SMPDL3B: variants seen among roughly 807,000 people sequenced by gnomAD.
SMPDL3B encodes the protein acid sphingomyelinase-like phosphodiesterase 3b.
Under a neutral mutation model 37.9 loss-of-function variants are expected in SMPDL3B, and 31 were observed. The ratio of observed to expected loss-of-function variants is 0.82; its 90% CI spans 0.61 to 1.10. The LOEUF is 1.10. SMPDL3B is among the 50% of genes least tolerant of loss of function. The probability of loss-of-function intolerance (pLI) is 0.00; values close to 1 mark genes in which losing one functional copy is unlikely to be tolerated. For synonymous variants in SMPDL3B, 235 were observed against 242.6 expected (o/e 0.97, Z 0.29); for missense variants, 525 against 597.8 (o/e 0.88, Z 1.27).
intron 1 of SMPDL3B, chr1:27,941,594 A>G (rs1196912178): frequency 6.6e-6 from 1 of 152,552 alleles, no homozygotes; most frequent in East Asian, 1.9e-4. Context: ...CACATGTGAT[A>G]GTGCTCTGAG....
At chr1:27,956,504 T>C (rs1219267632) in intron 7 of SMPDL3B, 6 of 1,109,794 alleles carry the variant, frequency 5.4e-6, no homozygotes, top group Non-Finnish European at 5.5e-6. Flanking sequence ...ACAGTCTGAC[T>C]TCAAGCCCAT....
chr1:27,955,719 T>A lies in SMPDL3B; in HGVS notation c.726T>A (p.Phe242Leu), dbSNP rs754356193. ...TCGGCCACGTGCCCCCGGGGTTCTT[T>A]GAGAAGACGCAAAACAAGGCATGGT... is the stretch of plus-strand genomic sequence containing the variant. ...YIVGHVPPGF[F>L]EKTQNKAWFR... is the part of the protein sequence containing the mutation. Residue 242 changes from phenylalanine to leucine, a missense_variant, in exon 6 of 8, where the codon TTT (phenylalanine) becomes TTA (leucine). Transcript: ENST00000373894. 5.6e-6 allele frequency: 9 copies of A among 1,613,966 alleles called. No individual in the cohort carries two copies. In the African/African-American group the frequency reaches 1.2e-4, roughly 22 times the overall value.
chr1:27,937,976 T>C (rs2090323582), intron 1 of SMPDL3B, among the ~76,000 whole-genome samples: 1 of 152,166 alleles, frequency 6.6e-6, no homozygotes, highest in African/African-American at 2.4e-5. Flanking sequence ...AACCCAATGA[T>C]TTAAAAGTTA....
chr1:27,953,966 G>A (rs895126872), intron 4 of SMPDL3B, among the ~76,000 whole-genome samples: 3 of 152,148 alleles, frequency 2.0e-5, no homozygotes, highest in African/African-American at 7.2e-5. Context: ...GGTTAAAGCC[G>A]ACCAGAAGCC....
rs1404531046 is a variant in SMPDL3B, at chr1:27,935,181, A to C, written c.-3A>C. 2.5e-6 allele frequency: 4 copies of C among 1,613,310 alleles called. No homozygotes were observed. The highest frequency in any genetic ancestry group is 2.5e-6 in the Non-Finnish European group (3 of 1,179,234). On this transcript the variant is annotated 5_prime_UTR_variant, in exon 1 of 8. Transcript: ENST00000373894. ...CACGGCTCTGGGGAAGTGAGCCCCG[A>C]GGATGAGGCTGCTCGCCTGGCTGAT...
chr1:27,953,103 C>G, intron 3 of SMPDL3B, 112 bp from the exon 4 acceptor site: 1 of 749,410 alleles, frequency 1.3e-6, no homozygotes, highest in South Asian at 1.8e-5. Flanking sequence ...TTTTCCTCAT[C>G]TGTGCTATCG....
intron 3 of SMPDL3B, among the ~76,000 whole-genome samples, chr1:27,950,511 T>G (rs1378416038): frequency 1.3e-5 from 2 of 152,200 alleles, no homozygotes; most frequent in Non-Finnish European, 2.9e-5. Flanking sequence ...TGGAGTACAG[T>G]GGCACAATCA....
In SMPDL3B at chr1:27,945,017, G is replaced by A. The variant is rs1357579864; in HGVS notation, c.62-215G>A. ...GGACGGGGCCTTGCCAAAGGTCAGC[G>A]CTCAGGGATGGAGCTGAGCCTGTTC... On this transcript the variant is annotated intron_variant, in intron 1 of 7. Transcript: ENST00000373894. This position sits in a 1 kb window ranked among gnomAD's most constrained non-coding sequence, Gnocchi z 4.0. Among the ~76,000 whole-genome samples the A allele has an allele frequency of 6.6e-6, 1 of 152,140 alleles. No homozygotes were observed.
At chr1:27,937,152 GC>G (rs2090316878) in intron 1 of SMPDL3B, among the ~76,000 whole-genome samples, 2 of 152,244 alleles carry the variant, frequency 1.3e-5, no homozygotes, top group African/African-American at 4.8e-5. Context: ...CATCATCCCT[GC>G]TTTGCATTAA....
intron 1 of SMPDL3B, among the ~76,000 whole-genome samples, chr1:27,941,092 A>G (rs1365565228): frequency 6.6e-6 from 1 of 152,324 alleles, no homozygotes; most frequent in Non-Finnish European, 1.5e-5. Flanking sequence ...CTCCCCATCC[A>G]TGGTCCTGAC....
At chr1:27,935,804 G>A (rs1344920100) in intron 1 of SMPDL3B, among the ~76,000 whole-genome samples, 1 of 152,208 alleles carries the variant, frequency 6.6e-6, no homozygotes, top group Non-Finnish European at 1.5e-5. Flanking sequence ...ACACTCAAGT[G>A]GAGCCTTGAG....
At chr1:27,956,164 C>T (rs1161907988) in intron 7 of SMPDL3B, 82 bp downstream of exon 7, 6 of 1,612,954 alleles carry the variant, frequency 3.7e-6, no homozygotes, top group Non-Finnish European at 3.4e-6. Flanking sequence ...TCAGCTTATC[C>T]ACCTTCCCCT....
Position 27,954,454 on chromosome 1 carries a change from C to T in SMPDL3B, c.618C>T (p.Asp206=). 6.2e-7 allele frequency: 1 copy of T among 1,614,110 alleles called. No homozygotes were observed. The highest frequency in any genetic ancestry group is 2.2e-5 in the East Asian group (1 of 44,886). ...ATACCAGCAATGCGCTGACAGCAGA[C>T]ATGGCGGACCCTGGCCAGCAGTTCC... The part of the protein sequence containing the change: ...LYYTSNALTA[D]MADPGQQFQW... The change falls in exon 5 of 8, where the codon GAC becomes GAT. Residue 206 remains aspartate (D), a synonymous_variant. Transcript: ENST00000373894.
In SMPDL3B at chr1:27,958,039, T is replaced by G. The variant is rs1638341017; in HGVS notation, c.1006-437T>G. Among the ~76,000 whole-genome samples the G allele has an allele frequency of 6.6e-6, 1 of 152,198 alleles. No homozygotes were observed. The highest frequency in any genetic ancestry group is 2.4e-5 in the African/African-American group (1 of 41,442). ...CAGAGTCTAGCCGTGAACATGCACC[T>G]GGGTCCTAGGAGTCTACAGTTCATA... On this transcript the variant is annotated intron_variant, in intron 7 of 7. Transcript: ENST00000373894. The surrounding 1 kb of genome is among the most constrained non-coding windows in gnomAD (Gnocchi z 5.6).
In SMPDL3B at chr1:27,955,052, G is replaced by A. The variant is rs140385362; in HGVS notation, c.690+526G>A. Among the ~76,000 whole-genome samples, 65 of 152,292 alleles carry A rather than the reference G, an allele frequency of 4.3e-4. 4 individuals are homozygous for A. In the East Asian group the frequency reaches 0.011, roughly 26 times the overall value. On this transcript the variant is annotated intron_variant, in intron 5 of 7. Transcript: ENST00000373894. ...GGGCACGTTGTTTAGGACATTATGCGGATGATCTCAGGTAGCAGAACTATG... is the reference window on the plus strand; with the variant it reads ...GGGCACGTTGTTTAGGACATTATGCAGATGATCTCAGGTAGCAGAACTATG...
At chr1:27,936,663 G>C (rs1398011066) in intron 1 of SMPDL3B, 1 of 152,096 alleles carries the variant, frequency 6.6e-6, no homozygotes, top group Non-Finnish European at 1.5e-5. Context: ...GGGGTTTAGA[G>C]GTACTATTTT....
At chr1:27,949,796 G>A (rs562593413) in intron 3 of SMPDL3B, among the ~76,000 whole-genome samples, 4 of 152,282 alleles carry the variant, frequency 2.6e-5, no homozygotes, top group East Asian at 1.9e-4. Context: ...CCAACTGGGC[G>A]CCTGAGAAAG....
chr1:27,955,116 C>T (rs1437331023), intron 5 of SMPDL3B, among the ~76,000 whole-genome samples: 1 of 152,206 alleles, frequency 6.6e-6, no homozygotes, highest in East Asian at 1.9e-4. Context: ...ATTCTCAAAA[C>T]CCCACCAGCT....
Position 27,954,398 on chromosome 1 carries a change from C to A in SMPDL3B, c.562C>A (p.Arg188=), listed in dbSNP as rs1348730661. The A allele has an allele frequency of 5.0e-6, 8 of 1,613,922 alleles. No homozygotes were observed. The highest frequency in any genetic ancestry group is 6.8e-6 in the Non-Finnish European group (8 of 1,180,012). The part of the protein sequence containing the change: ...EKLPGPSGAG[R]IVVLNTNLYY... Reference sequence around the variant, plus strand: ...GCTGCCGGGTCCCAGCGGGGCTGGGCGAATTGTGGTCCTCAACACCAATCT... The same window carrying A: ...GCTGCCGGGTCCCAGCGGGGCTGGGAGAATTGTGGTCCTCAACACCAATCT... Residue 188 remains arginine (R), a synonymous_variant, in exon 5 of 8, where the codon CGA becomes AGA. Coordinates refer to ENST00000373894, the MANE Select transcript of SMPDL3B (RefSeq NM_014474.4).
Sources: gnomAD v4.1 joint callset for allele counts (sites outside exome capture counted in the v4.1 genomes callset) on GRCh38, gnomAD v4.1.1 for gene constraint, Gnocchi (gnomAD v3.1) non-coding constraint, MANE v1.5 for transcripts, NCBI Gene and HGNC (gene_info 2026-07-23, HGNC 2026-07-21) for gene names.